The following PTPRK variants were observed in gnomAD, a reference collection of about 807,000 sequenced individuals.
The protein encoded by PTPRK is protein tyrosine phosphatase receptor type K, also known as receptor-type tyrosine-protein phosphatase kappa.
Under a neutral mutation model 178.0 loss-of-function variants are expected in PTPRK, and 75 were observed. That is an observed-to-expected ratio of 0.42 (90% confidence interval 0.35 to 0.51). PTPRK has a LOEUF of 0.51. PTPRK is among the 20% of genes least tolerant of loss of function. PTPRK has a pLI of 0.02. For synonymous variants in PTPRK, 637 were observed against 620.6 expected (o/e 1.03, Z -0.39); for missense variants, 1,441 against 1,797.8 (o/e 0.80, Z 3.59).
At chr6:128,415,400 C>T (rs1339321772) in intron 1 of PTPRK, among the ~76,000 whole-genome samples, 1 of 151,398 alleles carries the variant, frequency 6.6e-6, no homozygotes, top group Admixed American at 6.6e-5. Context: ...ATTAAGAATG[C>T]TTTTTCTTTT....
At chr6:128,489,907 C>T (rs1414205611) in intron 1 of PTPRK, among the ~76,000 whole-genome samples, 1 of 152,170 alleles carries the variant, frequency 6.6e-6, no homozygotes, top group South Asian at 2.1e-4. Flanking sequence ...TACTCACCCT[C>T]GATGGTCATT....
At chr6:128,304,663 A>T (rs1210173225) in intron 3 of PTPRK, among the ~76,000 whole-genome samples, 2 of 152,218 alleles carry the variant, frequency 1.3e-5, no homozygotes, top group Non-Finnish European at 2.9e-5. Context: ...AATAACGATG[A>T]TTACCTGTTT....
rs767701377 is a variant in PTPRK, at chr6:128,322,082, C to T, written c.452G>A (p.Arg151Gln). 11 of 1,613,740 alleles carry T rather than the reference C, an allele frequency of 6.8e-6. No homozygotes were observed. The highest frequency in any genetic ancestry group is 1.3e-5 in the African/African-American group (1 of 74,872). ...AAAGGTGCTCACTGCTAGCTCAGCC[C>T]GAAGCCAATCTCTACCCGTGAATCC... ...VTGFTGRDWL[R>Q]AELAVSTFWP... is the part of the protein sequence containing the mutation. The change falls in exon 3 of 30, where the codon CGG becomes CAG. Residue 151 changes from arginine (R) to glutamine (Q), a missense_variant. By Grantham distance (43) the Arg-to-Gln change is conservative. Around this residue, in one of 4 missense-constraint regions of PTPRK, gnomAD observed 158 missense variants for 188.0 expected, o/e 0.84. Transcript: ENST00000368226.
intron 10 of PTPRK, among the ~76,000 whole-genome samples, chr6:128,081,697 A>G (rs886089658): frequency 7.2e-5 from 11 of 152,036 alleles, no homozygotes; most frequent in African/African-American, 2.7e-4. Context: ...TTACATATAC[A>G]ATATGTATTT....
At chr6:128,017,056 T>C (rs1297517690) in intron 13 of PTPRK, among the ~76,000 whole-genome samples, 2 of 152,034 alleles carry the variant, frequency 1.3e-5, no homozygotes, top group Non-Finnish European at 2.9e-5. Flanking sequence ...CTTAGCTCTT[T>C]TTTATGTTTT....
At chr6:128,513,601 T>C (rs991761029) in intron 1 of PTPRK, among the ~76,000 whole-genome samples, 2 of 152,222 alleles carry the variant, frequency 1.3e-5, no homozygotes, top group Admixed American at 6.5e-5. Flanking sequence ...TGCAATATTC[T>C]TGAAATTCTA....
intron 5 of PTPRK, among the ~76,000 whole-genome samples, chr6:128,227,201 G>A (rs567905522): frequency 7.2e-5 from 11 of 152,226 alleles, no homozygotes; most frequent in Admixed American, 4.6e-4. Flanking sequence ...GGGATTGGCT[G>A]GTTGCTTCAA....
intron 7 of PTPRK, among the ~76,000 whole-genome samples, chr6:128,152,283 T>G (rs946445491): frequency 2.6e-5 from 4 of 152,006 alleles, no homozygotes; most frequent in Non-Finnish European, 5.9e-5. Context: ...CCAGCTGCTC[T>G]CAGAAATAAG....
At chr6:128,156,998 C>T (rs899441348) in intron 7 of PTPRK, among the ~76,000 whole-genome samples, 4 of 151,854 alleles carry the variant, frequency 2.6e-5, no homozygotes, top group African/African-American at 7.3e-5. Flanking sequence ...AATAACTTAT[C>T]GTAAGAATGC....
chr6:128,093,007 G>A (rs1787245989), intron 7 of PTPRK, among the ~76,000 whole-genome samples: 1 of 152,084 alleles, frequency 6.6e-6, no homozygotes, highest in African/African-American at 2.4e-5. Context: ...AACCTACAGG[G>A]TCAGTGACTC....
intron 1 of PTPRK, chr6:128,501,216 A>G (rs1477327659): frequency 1.3e-5 from 2 of 152,218 alleles, no homozygotes; most frequent in African/African-American, 4.8e-5. Context: ...GAATGCTTCC[A>G]AATTCTTGAA....
At chr6:128,162,683 C>T (rs1474525963) in intron 7 of PTPRK, among the ~76,000 whole-genome samples, 1 of 151,652 alleles carries the variant, frequency 6.6e-6, no homozygotes, top group East Asian at 1.9e-4. Context: ...GTCCATTAAT[C>T]GTAAACTTTG....
At chr6:128,513,174 G>C (rs920586924) in intron 1 of PTPRK, among the ~76,000 whole-genome samples, 1 of 151,978 alleles carries the variant, frequency 6.6e-6, no homozygotes, top group South Asian at 2.1e-4. Flanking sequence ...TAATAATCAA[G>C]TAAATATTGA....
chr6:128,181,804 T>C (rs1213699189), intron 7 of PTPRK, among the ~76,000 whole-genome samples: 3 of 152,114 alleles, frequency 2.0e-5, no homozygotes, highest in Non-Finnish European at 4.4e-5. Context: ...TGGATGAACA[T>C]ACATCATAAT....
At chr6:128,158,005 C>T (rs939537051) in intron 7 of PTPRK, among the ~76,000 whole-genome samples, 20 of 151,900 alleles carry the variant, frequency 1.3e-4, no homozygotes, top group Non-Finnish European at 2.4e-4. Flanking sequence ...ACATGAAGTC[C>T]TTGCCCATGC....
chr6:128,221,967 C>T (rs1810493792), intron 5 of PTPRK, among the ~76,000 whole-genome samples: 1 of 152,086 alleles, frequency 6.6e-6, no homozygotes, highest in Admixed American at 6.5e-5. Context: ...AATTGGAAGG[C>T]CCACCACGCT....
intron 13 of PTPRK, among the ~76,000 whole-genome samples, chr6:128,017,802 G>GTGTATATATATATATA (rs1287001811): frequency 5.9e-4 from 60 of 101,248 alleles, no homozygotes; most frequent in South Asian, 1.5e-3. Flanking sequence ...ATATATATGT[G>GTGTATATATATATATA]TATATATATA....
rs1554231939 is a variant in PTPRK, at chr6:128,352,268, A to AAG, written c.224-29959_224-29958insCT. On this transcript the variant is annotated intron_variant, in intron 2 of 29. Transcript: ENST00000368226. Reference sequence around the variant, plus strand: ...GACTTCATCTCAAAAAAAAAAAAAAAAAAGAAATATTCCATTAGTAAAAAT... The same window carrying AAG: ...GACTTCATCTCAAAAAAAAAAAAAAAAGAAAGAAATATTCCATTAGTAAAAAT... 1.9e-4 allele frequency among the ~76,000 whole-genome samples: 29 copies of AAG among 151,418 alleles called. 1 individual carries two copies. The highest frequency in any genetic ancestry group is 1.3e-3 in the South Asian group (6 of 4,780).
intron 3 of PTPRK, among the ~76,000 whole-genome samples, chr6:128,269,311 G>A (rs1306069815): frequency 1.3e-5 from 2 of 151,694 alleles, no homozygotes; most frequent in Admixed American, 6.6e-5. Context: ...CAGGGCAATG[G>A]GTAACAAAGC....
Sources: allele counts gnomAD v4.1 joint callset (sites outside exome capture counted in the v4.1 genomes callset), GRCh38; gene constraint gnomAD v4.1.1; regional missense constraint gnomAD v4.1.1; transcripts MANE v1.5; gene names NCBI Gene and HGNC (gene_info 2026-07-23, HGNC 2026-07-21).